FGGY: variants seen among roughly 807,000 people sequenced by gnomAD.
FGGY encodes FGGY carbohydrate kinase domain containing.
In FGGY, 72 loss-of-function variants were observed where a neutral mutation model predicts 71.3. The observed-to-expected ratio is 1.01, with a 90% CI of 0.84 to 1.23. The LOEUF is 1.23. Ranked by LOEUF, FGGY falls within the 50% of genes most tolerant of loss-of-function variation. The probability of loss-of-function intolerance (pLI) is 0.00; values close to 1 mark genes in which losing one functional copy is unlikely to be tolerated. For synonymous variants in FGGY, 251 were observed against 250.3 expected (o/e 1.00, Z -0.02); for missense variants, 668 against 682.3 (o/e 0.98, Z 0.23).
At chr1:59,371,533 A>C (rs1014467862) in intron 4 of FGGY, among the ~76,000 whole-genome samples, 20 of 152,332 alleles carry the variant, frequency 1.3e-4, no homozygotes, top group South Asian at 2.1e-4. Context: ...CCAGGAATTG[A>C]ACTCAGCTCT....
intron 9 of FGGY, among the ~76,000 whole-genome samples, chr1:59,623,571 C>T (rs78337276): frequency 5.9e-5 from 9 of 152,100 alleles, no homozygotes; most frequent in African/African-American, 2.2e-4. Flanking sequence ...TAAACCAGTC[C>T]GTTACCATTC....
chr1:59,537,126 G>T (rs1318910732), intron 7 of FGGY, among the ~76,000 whole-genome samples: 10 of 150,632 alleles, frequency 6.6e-5, no homozygotes, highest in Non-Finnish European at 1.5e-4. Flanking sequence ...ATCTCCTTAA[G>T]CTGATAAGCA....
At chr1:59,385,434 A>T (rs377301936) in intron 5 of FGGY, among the ~76,000 whole-genome samples, 9 of 152,298 alleles carry the variant, frequency 5.9e-5, no homozygotes, top group African/African-American at 2.2e-4. Flanking sequence ...AGCAAATGTT[A>T]ACTCTGTTAG....
At chr1:59,667,231 A>C in intron 12 of FGGY, 52 bp from the exon 13 acceptor site, 2 of 1,610,614 alleles carry the variant, frequency 1.2e-6, no homozygotes, top group Non-Finnish European at 1.7e-6. Flanking sequence ...AGTGTTCCCT[A>C]GTGTTTACTT....
At position 59,499,515 on chromosome 1, in the gene FGGY, T is replaced by C. The variant is rs74828718; in HGVS notation, c.671-12796T>C. 8.0e-3 allele frequency among the ~76,000 whole-genome samples: 1,224 copies of C among 152,184 alleles called. 13 individuals carry two copies. The highest frequency in any genetic ancestry group is 0.028 in the African/African-American group (1,149 of 41,502). The stretch of plus-strand genomic sequence containing the variant: ...TGGAATTTTCCATTTAATATTTTTG[T>C]ACTAGAGTTGACCATGAGAAATTGA... On this transcript the variant is annotated intron_variant, in intron 6 of 15. Coordinates refer to ENST00000303721, the MANE Select transcript of FGGY (RefSeq NM_018291.5).
chr1:59,627,581 GTC>G (rs2096871776), intron 10 of FGGY, among the ~76,000 whole-genome samples: 1 of 150,218 alleles, frequency 6.7e-6, no homozygotes, highest in South Asian at 2.1e-4. Flanking sequence ...TACTCCCTAG[GTC>G]TCTCTGCTGA....
At chr1:59,605,525 GT>G (rs1429500377) in intron 8 of FGGY, among the ~76,000 whole-genome samples, 2 of 152,132 alleles carry the variant, frequency 1.3e-5, no homozygotes, top group Admixed American at 1.3e-4. Flanking sequence ...AAATGTATAT[GT>G]TAATCTAAGC....
chr1:59,324,770 A>G (rs900728755), intron 2 of FGGY, among the ~76,000 whole-genome samples: 6 of 152,000 alleles, frequency 3.9e-5, no homozygotes, highest in Admixed American at 3.3e-4. Flanking sequence ...ACATGACCCT[A>G]CCTGGAACTG....
intron 11 of FGGY, among the ~76,000 whole-genome samples, chr1:59,650,906 C>G (rs1210515846): frequency 6.6e-6 from 1 of 150,594 alleles, no homozygotes; most frequent in Non-Finnish European, 1.5e-5. Context: ...AAATTTCCCT[C>G]TACACACTGC....
At chr1:59,603,066 A>G (rs751997834) in intron 8 of FGGY, among the ~76,000 whole-genome samples, 1 of 152,198 alleles carries the variant, frequency 6.6e-6, no homozygotes, top group African/African-American at 2.4e-5. Flanking sequence ...CAAAGAGTAC[A>G]CCAGATGTCT....
intron 9 of FGGY, among the ~76,000 whole-genome samples, chr1:59,612,116 C>T (rs1009217717): frequency 6.6e-6 from 1 of 152,166 alleles, no homozygotes; most frequent in African/African-American, 2.4e-5. Flanking sequence ...GCTAGGCAGA[C>T]CAACATTCAG....
intron 14 of FGGY, among the ~76,000 whole-genome samples, chr1:59,701,158 A>G (rs1193176643): frequency 1.3e-5 from 2 of 152,160 alleles, no homozygotes; most frequent in Non-Finnish European, 2.9e-5. Flanking sequence ...AATTGGCCTA[A>G]GAAAGGTTAT....
rs537836149 is a variant in FGGY, at chr1:59,724,221, G to A, written c.1513-33710G>A. On this transcript the variant is annotated intron_variant, in intron 14 of 15. Transcript: ENST00000303721. ...TGGCCAGGCATGGTGGCTCATGCCTGTAATCCCAGCACTTTGGGAGGCCGA... is the reference window on the plus strand; with the variant it reads ...TGGCCAGGCATGGTGGCTCATGCCTATAATCCCAGCACTTTGGGAGGCCGA... Among the ~76,000 whole-genome samples, 3 of 151,754 alleles carry A rather than the reference G, an allele frequency of 2.0e-5. No homozygotes were observed. The East Asian group carries it at 5.9e-4, about 30-fold the overall frequency.
At chr1:59,436,301 G>A (rs1425888735) in intron 5 of FGGY, among the ~76,000 whole-genome samples, 2 of 151,892 alleles carry the variant, frequency 1.3e-5, no homozygotes, top group Non-Finnish European at 2.9e-5. Flanking sequence ...TGTTTCATGG[G>A]GCTGTCTCTT....
At chr1:59,366,789 G>T (rs1283426835) in intron 4 of FGGY, among the ~76,000 whole-genome samples, 2 of 151,986 alleles carry the variant, frequency 1.3e-5, no homozygotes, top group Non-Finnish European at 2.9e-5. Flanking sequence ...GGTACAGCAT[G>T]GGATGGAGAG....
chr1:59,338,671 C>CT (rs1234634917), intron 2 of FGGY, among the ~76,000 whole-genome samples: 1 of 151,900 alleles, frequency 6.6e-6, no homozygotes, highest in African/African-American at 2.4e-5. Flanking sequence ...CTCTCTACCT[C>CT]TTTTTAAAAA....
chr1:59,515,680 T>C (rs1433367719), intron 7 of FGGY, among the ~76,000 whole-genome samples: 1 of 152,190 alleles, frequency 6.6e-6, no homozygotes, highest in Non-Finnish European at 1.5e-5. Flanking sequence ...CAAGATCTGA[T>C]GGGTTTATCA....
At chr1:59,396,718 T>C (rs1467846658) in intron 5 of FGGY, among the ~76,000 whole-genome samples, 3 of 152,170 alleles carry the variant, frequency 2.0e-5, no homozygotes, top group Non-Finnish European at 4.4e-5. Flanking sequence ...GGAAAGTAAT[T>C]TTTCTGAGCA....
intron 14 of FGGY, among the ~76,000 whole-genome samples, chr1:59,735,853 A>T (rs1345737629): frequency 6.6e-6 from 1 of 152,078 alleles, no homozygotes. Context: ...CCTTTCTTAG[A>T]TTTTTTTCCC....
Sources: allele counts gnomAD v4.1 joint callset (sites outside exome capture counted in the v4.1 genomes callset), GRCh38; gene constraint gnomAD v4.1.1; transcripts MANE v1.5; gene names NCBI Gene and HGNC (gene_info 2026-07-23, HGNC 2026-07-21).